SSBP2: variants seen among roughly 807,000 people sequenced by gnomAD.
SSBP2 encodes single stranded DNA binding protein 2.
A neutral mutation model predicts 61.8 loss-of-function variants in SSBP2; 17 were observed. The observed-to-expected ratio is 0.28, with a 90% CI of 0.19 to 0.41. The LOEUF is 0.41. Ranked by LOEUF, SSBP2 falls within the 10% of genes least tolerant of loss-of-function variation. SSBP2 has a pLI of 1.00. For missense variants in SSBP2, 310 were observed against 458.7 expected, an observed-to-expected ratio of 0.68 and a Z score of 2.96; for synonymous variants, 139 against 141.3, an observed-to-expected ratio of 0.98 and a Z score of 0.12.
At chr5:81,442,600 A>AC in intron 13 of SSBP2, 53 bp downstream of exon 13, 1 of 962,068 alleles carries the variant, frequency 1.0e-6, no homozygotes, top group East Asian at 2.5e-5. Flanking sequence ...GAATGCACTC[A>AC]GAGTTTGAAA....
chr5:81,746,486 G>A (rs1757356272), intron 1 of SSBP2, among the ~76,000 whole-genome samples: 1 of 152,030 alleles, frequency 6.6e-6, no homozygotes, highest in African/African-American at 2.4e-5. Context: ...AAGAAAGAAA[G>A]GTTTGTCATT....
At chr5:81,490,111 T>C (rs1316837030) in intron 5 of SSBP2, among the ~76,000 whole-genome samples, 2 of 152,108 alleles carry the variant, frequency 1.3e-5, no homozygotes, top group Admixed American at 1.3e-4. Flanking sequence ...TTATGAAGCG[T>C]ATATTTTTAA....
chr5:81,739,955 CTA>C (rs1350261365), intron 1 of SSBP2, among the ~76,000 whole-genome samples: 2 of 152,072 alleles, frequency 1.3e-5, no homozygotes, highest in Non-Finnish European at 2.9e-5. Flanking sequence ...CCAGTACTTG[CTA>C]TGTTATCTTG....
At chr5:81,615,607 G>A (rs1190843130) in intron 3 of SSBP2, 50 bp from the exon 4 acceptor site, 4 of 1,201,742 alleles carry the variant, frequency 3.3e-6, no homozygotes, top group African/African-American at 1.5e-5. Flanking sequence ...ACACCAATAT[G>A]AGAAATCACA....
intron 15 of SSBP2, among the ~76,000 whole-genome samples, chr5:81,434,026 G>A (rs1165782519): frequency 6.6e-6 from 1 of 152,168 alleles, no homozygotes; most frequent in Admixed American, 6.5e-5. Context: ...ATTTTATGAA[G>A]TAGGCAGGGA....
chr5:81,687,864 C>A (rs551035254), intron 1 of SSBP2, among the ~76,000 whole-genome samples: 1 of 152,194 alleles, frequency 6.6e-6, no homozygotes, highest in African/African-American at 2.4e-5. Flanking sequence ...CCAGGCAGTA[C>A]TTGCTATGGG....
chr5:81,616,608 A>C (rs1746074012), intron 3 of SSBP2: 1 of 145,406 alleles, frequency 6.9e-6, no homozygotes, highest in South Asian at 2.3e-4. Context: ...CCACAGCTCA[A>C]GGAGGCCTGC....
chr5:81,702,312 A>C (rs533090251), intron 1 of SSBP2, among the ~76,000 whole-genome samples: 8 of 152,340 alleles, frequency 5.3e-5, no homozygotes, highest in African/African-American at 1.9e-4. Flanking sequence ...CAGAGGTTCC[A>C]GTGAGCCAAG....
intron 16 of SSBP2, 53 bp from the exon 17 acceptor site, chr5:81,420,586 A>C: frequency 6.8e-7 from 1 of 1,470,626 alleles, no homozygotes; most frequent in Non-Finnish European, 9.5e-7. Flanking sequence ...AGAGATCACT[A>C]AGGTTCTTCT....
At chr5:81,583,969 A>C (rs1349653452) in intron 4 of SSBP2, among the ~76,000 whole-genome samples, 1 of 152,238 alleles carries the variant, frequency 6.6e-6, no homozygotes, top group African/African-American at 2.4e-5. Context: ...TACAATGATT[A>C]TATTACAACA....
intron 4 of SSBP2, among the ~76,000 whole-genome samples, chr5:81,542,929 A>C (rs973125809): frequency 6.7e-6 from 1 of 149,786 alleles, no homozygotes; most frequent in Non-Finnish European, 1.5e-5. Context: ...ATCTCGACTC[A>C]CTGCAACCTC....
At chr5:81,665,196 T>C (rs746086640) in intron 1 of SSBP2, among the ~76,000 whole-genome samples, 7 of 152,202 alleles carry the variant, frequency 4.6e-5, no homozygotes, top group South Asian at 2.1e-4. Flanking sequence ...TCCATGAGCA[T>C]AGATGGTTTT....
rs77596919 is a variant in SSBP2 at position 81,595,958 on chromosome 5, C to T, written c.282+19515G>A. Reference sequence around the variant, plus strand: ...TGAAAACTGGCACAAGACAGGGATGCCCTCTCTCACCACTCCTATTCAACA... The same window carrying T: ...TGAAAACTGGCACAAGACAGGGATGTCCTCTCTCACCACTCCTATTCAACA... On this transcript the variant is annotated intron_variant, in intron 4 of 16. Transcript: ENST00000320672. 3.1e-3 allele frequency among the ~76,000 whole-genome samples: 469 copies of T among 152,264 alleles called. 5 individuals are homozygous for T. The East Asian group carries it at 0.051, about 16-fold the overall frequency.
At chr5:81,615,726 T>C (rs961899071) in intron 3 of SSBP2, among the ~76,000 whole-genome samples, 169 bp from the exon 4 acceptor site, 2 of 152,220 alleles carry the variant, frequency 1.3e-5, no homozygotes, top group African/African-American at 4.8e-5. Flanking sequence ...GCAATAACAG[T>C]GTTACCATCT....
Position 81,563,383 on chromosome 5 carries a change from TA to T in SSBP2, c.283-49667del, listed in dbSNP as rs559178128. ...TCAAAGCAGACCATAGAACAAAATG[TA>T]AAAAAAAATTCTAAAGGTTCTAGAG... On this transcript the variant is annotated intron_variant, in intron 4 of 16. Coordinates refer to ENST00000320672, the MANE Select transcript of SSBP2 (RefSeq NM_012446.5). Among the ~76,000 whole-genome samples the T allele has an allele frequency of 2.4e-3, 365 of 151,478 alleles. 1 individual carries two copies. The highest frequency in any genetic ancestry group is 8.5e-3 in the African/African-American group (350 of 41,322).
chr5:81,614,282 C>G (rs554603208), intron 4 of SSBP2, among the ~76,000 whole-genome samples: 4 of 139,528 alleles, frequency 2.9e-5, no homozygotes, highest in South Asian at 2.3e-4. Flanking sequence ...ATGGCGTGAA[C>G]CCGGGAGGCG....
intron 1 of SSBP2, among the ~76,000 whole-genome samples, chr5:81,746,338 G>A (rs992687366): frequency 6.6e-6 from 1 of 151,926 alleles, no homozygotes; most frequent in Non-Finnish European, 1.5e-5. Context: ...AGGGGGAGGG[G>A]CAATTTAATA....
At chr5:81,628,813 G>C (rs191304739) in intron 3 of SSBP2, among the ~76,000 whole-genome samples, 36 of 152,294 alleles carry the variant, frequency 2.4e-4, no homozygotes, top group Admixed American at 2.0e-3. Context: ...ATTAAAGACA[G>C]AAATTCCCCC....
At chr5:81,519,848 G>A (rs1455218568) in intron 4 of SSBP2, among the ~76,000 whole-genome samples, 1 of 152,024 alleles carries the variant, frequency 6.6e-6, no homozygotes, top group Admixed American at 6.6e-5. Flanking sequence ...TCTTTGCCAG[G>A]AATTGGTCTA....
Sources: gnomAD v4.1 joint callset for allele counts (sites outside exome capture counted in the v4.1 genomes callset) on GRCh38, gnomAD v4.1.1 for gene constraint, MANE v1.5 for transcripts, NCBI Gene and HGNC (gene_info 2026-07-23, HGNC 2026-07-21) for gene names.